The following SMC1A variants were observed in gnomAD, a reference collection of about 807,000 sequenced individuals.
SMC1A encodes the protein structural maintenance of chromosomes 1A.
Under a neutral mutation model 94.5 loss-of-function variants are expected in SMC1A, and 4 were observed. That is an observed-to-expected ratio of 0.04 (90% CI 0.02 to 0.10). The LOEUF is 0.10. Ranked by LOEUF, SMC1A falls within the 10% of genes least tolerant of loss-of-function variation. The pLI is 1.00. For missense variants in SMC1A, 304 were observed against 989.0 expected, an observed-to-expected ratio of 0.31 and a Z score of 9.29; for synonymous variants, 345 against 347.7, an observed-to-expected ratio of 0.99 and a Z score of 0.09.
intron 22 of SMC1A, 44 bp from the exon 23 acceptor site, chrX:53,381,131 G>A: frequency 1.2e-6 from 1 of 810,338 alleles, no homozygotes; most frequent in South Asian, 2.1e-5. Context: ...GGCGGGGAGG[G>A]GGTGGCAAGG....
chrX:53,410,564 C>T (rs1032153643), intron 7 of SMC1A, among the ~76,000 whole-genome samples: 4 of 109,540 alleles, frequency 3.7e-5, no homozygotes, highest in Non-Finnish European at 7.6e-5. Context: ...CTTTAGGAGG[C>T]CAAGGCGGGT....
chrX:53,406,084 C>T (rs782510930), intron 9 of SMC1A, 128 bp from the exon 10 acceptor site: 14 of 632,323 alleles, frequency 2.2e-5, no homozygotes, highest in Non-Finnish European at 3.6e-5. Context: ...ACTGTATTGC[C>T]TAGTGGTTAA....
In SMC1A at chrX:53,421,950, A is replaced by G. The variant is rs782788314; in HGVS notation, c.109+542T>C. ...ACACCTCAAGCATTCTAAAGACTGG[A>G]GCGCTGGGTCTGAAATTCAAAAGTG... is the stretch of plus-strand genomic sequence containing the variant. On this transcript the variant is annotated intron_variant, in intron 1 of 24. Coordinates refer to ENST00000322213, the MANE Select transcript of SMC1A (RefSeq NM_006306.4). 8.3e-6 allele frequency: 10 copies of G among 1,207,896 alleles called. No individual in the cohort carries two copies. The Middle Eastern group carries it at 1.8e-3, about 221-fold the overall frequency.
intron 19 of SMC1A, among the ~76,000 whole-genome samples, chrX:53,387,286 C>T (rs1023928918): frequency 2.7e-5 from 3 of 112,068 alleles, no homozygotes; most frequent in East Asian, 5.5e-4. Context: ...TGAGCCACTG[C>T]GCCTGGCCCT....
At position 53,384,125 on chromosome X, in the gene SMC1A, A is replaced by G. The variant is rs187543252; in HGVS notation, c.2974-872T>C. 3.6e-5 allele frequency among the ~76,000 whole-genome samples: 4 copies of G among 111,472 alleles called. No individual in the cohort carries two copies. The Admixed American group carries it at 3.8e-4, about 11-fold the overall frequency. The stretch of plus-strand genomic sequence containing the variant: ...GGGAGGGATCCCACTAGTGTATAGA[A>G]TATGTGCCTGCATTGAGGTGTTCTG... On this transcript the variant is annotated intron_variant, in intron 19 of 24. Transcript: ENST00000322213.
At chrX:53,392,458 AT>A (rs1227012741) in intron 19 of SMC1A, among the ~76,000 whole-genome samples, 1 of 108,346 alleles carries the variant, frequency 9.2e-6, no homozygotes, top group African/African-American at 3.3e-5. Flanking sequence ...ATCCCTGTGC[AT>A]TTTTTTTTGA....
chrX:53,392,395 A>C (rs782696194), intron 19 of SMC1A, among the ~76,000 whole-genome samples: 14 of 110,120 alleles, frequency 1.3e-4, no homozygotes, highest in Admixed American at 3.9e-4. Flanking sequence ...GTCTCAAAAA[A>C]AAAAAACAAA....
intron 19 of SMC1A, among the ~76,000 whole-genome samples, chrX:53,390,973 C>CAAAAAAAA (rs782771730): frequency 1.7e-4 from 6 of 34,323 alleles, no homozygotes; most frequent in African/African-American, 2.8e-4. Context: ...GACTCCGTCT[C>CAAAAAAAA]AAAAAAAAAA....
intron 19 of SMC1A, among the ~76,000 whole-genome samples, chrX:53,387,946 T>A (rs1213164524): frequency 1.0e-5 from 1 of 99,775 alleles, no homozygotes; most frequent in East Asian, 3.2e-4. Flanking sequence ...GGGGAAAAAA[T>A]CAAGCATATA....
chrX:53,422,219 G>A (rs945423726), intron 1 of SMC1A, among the ~76,000 whole-genome samples: 4 of 112,396 alleles, frequency 3.6e-5, no homozygotes, highest in African/African-American at 9.7e-5. Context: ...CCTTTGGCGG[G>A]AGGGGGAAGT....
At chrX:53,382,813 T>G (rs1556886083) in intron 20 of SMC1A, among the ~76,000 whole-genome samples, 153 bp from the exon 21 acceptor site, 1 of 110,359 alleles carries the variant, frequency 9.1e-6, no homozygotes, top group East Asian at 2.9e-4. Context: ...CTGGATACAA[T>G]GCAGAGCAAG....
At position 53,382,617 on chromosome X, in the gene SMC1A, T is replaced by C. The variant is rs1432130956; in HGVS notation, c.3174A>G (p.Ala1058=). ...AGCGCTCCTTCTTGATCTGTTCGAA[T>C]GCCTGCTTGGCCTTCTTTGCTCGCT... ...ARKRAKKAKQ[A]FEQIKKERFD... Residue 1058 remains alanine, a synonymous_variant, in exon 21 of 25, where the codon GCA becomes GCG. Transcript: ENST00000322213. 3 of 1,211,869 alleles carry C rather than the reference T, an allele frequency of 2.5e-6. No individual in the cohort carries two copies. The highest frequency in any genetic ancestry group is 1.7e-5 in the African/African-American group (1 of 57,841).
At chrX:53,398,092 A>G (rs2075658377) in intron 16 of SMC1A, among the ~76,000 whole-genome samples, 2 of 107,395 alleles carry the variant, frequency 1.9e-5, no homozygotes, top group African/African-American at 6.8e-5. Flanking sequence ...AGGCAGAGGC[A>G]GGAGTTATCG....
chrX:53,420,967 TCAC>T (rs1303182877), intron 1 of SMC1A, among the ~76,000 whole-genome samples: 1 of 111,516 alleles, frequency 9.0e-6, no homozygotes, highest in Non-Finnish European at 1.9e-5. Flanking sequence ...GAAGACTCAC[TCAC>T]CAAAGGGACT....
At chrX:53,391,056 G>A (rs1220605322) in intron 19 of SMC1A, among the ~76,000 whole-genome samples, 1 of 102,106 alleles carries the variant, frequency 9.8e-6, no homozygotes, top group Non-Finnish European at 2.0e-5. Context: ...GCTCATGCCT[G>A]TAATCCTAGC....
chrX:53,382,851 T>C (rs1303227732), intron 20 of SMC1A, among the ~76,000 whole-genome samples, 191 bp from the exon 21 acceptor site: 1 of 110,981 alleles, frequency 9.0e-6, no homozygotes, highest in Non-Finnish European at 1.9e-5. Flanking sequence ...CACACAAATA[T>C]GGATTCCTCC....
At chrX:53,402,774 T>C (rs1459184156) in intron 15 of SMC1A, among the ~76,000 whole-genome samples, 1 of 94,327 alleles carries the variant, frequency 1.1e-5, no homozygotes, top group African/African-American at 4.0e-5. Flanking sequence ...GGCAGGAGAA[T>C]TGCATGAACA....
intron 19 of SMC1A, among the ~76,000 whole-genome samples, chrX:53,393,595 G>A (rs1035364008): frequency 9.0e-6 from 1 of 110,848 alleles, no homozygotes; most frequent in Non-Finnish European, 1.9e-5. Flanking sequence ...AATTATGGAT[G>A]GAGTAATGTC....
chrX:53,422,100 C>A, intron 1 of SMC1A: 6 of 1,143,559 alleles, frequency 5.2e-6, no homozygotes, highest in Non-Finnish European at 7.1e-6. Context: ...AGCGTCCCCA[C>A]ATTCTCCGGA....
Sources: allele counts gnomAD v4.1 joint callset (sites outside exome capture counted in the v4.1 genomes callset), GRCh38; gene constraint gnomAD v4.1.1; transcripts MANE v1.5; gene names NCBI Gene and HGNC (gene_info 2026-07-23, HGNC 2026-07-21).